The following LPP variants were observed in gnomAD, a reference collection of about 807,000 sequenced individuals.
The protein encoded by LPP is lipoma-preferred partner.
A neutral mutation model predicts 60.4 loss-of-function variants in LPP; 38 were observed. The ratio of observed to expected loss-of-function variants is 0.63; its 90% CI spans 0.49 to 0.83. LPP has a LOEUF of 0.83. LPP is among the 40% of genes least tolerant of loss of function. The pLI is 0.00. For synonymous variants in LPP, 328 were observed against 290.8 expected, an observed-to-expected ratio of 1.13 and a Z score of -1.30; for missense variants, 902 against 783.6, an observed-to-expected ratio of 1.15 and a Z score of -1.80.
chr3:188,532,850 T>G (rs6797041), intron 6 of LPP, among the ~76,000 whole-genome samples: 72,782 of 152,096 alleles, frequency 0.48, 18,271 homozygotes, highest in East Asian at 0.92. Context: ...CTGGAGTTTG[T>G]TTTAAAACTT....
intron 4 of LPP, among the ~76,000 whole-genome samples, chr3:188,447,586 G>T (rs893058990): frequency 1.5e-5 from 2 of 137,822 alleles, no homozygotes; most frequent in Non-Finnish European, 3.0e-5. Context: ...GTCCAGCCTG[G>T]GCGACAGAGT....
intron 4 of LPP, among the ~76,000 whole-genome samples, chr3:188,441,016 C>A (rs1793667864): frequency 8.1e-6 from 1 of 124,028 alleles, no homozygotes; most frequent in South Asian, 3.5e-4. Context: ...TGTACTCTCT[C>A]TCCCTTAATA....
intron 2 of LPP, among the ~76,000 whole-genome samples, chr3:188,250,600 T>C (rs868336393): frequency 6.6e-6 from 1 of 152,206 alleles, no homozygotes; most frequent in Non-Finnish European, 1.5e-5. Context: ...TAGGATTCCA[T>C]GTTACTACTC....
At chr3:188,796,317 A>G (rs1745335922) in intron 9 of LPP, among the ~76,000 whole-genome samples, 1 of 152,188 alleles carries the variant, frequency 6.6e-6, no homozygotes, top group Non-Finnish European at 1.5e-5. Context: ...AGACTGAGGG[A>G]GAAGCATGAT....
Position 188,428,364 on chromosome 3 carries a change from T to G in LPP, c.193+22051T>G, listed in dbSNP as rs1790011968. On this transcript the variant is annotated intron_variant, in intron 4 of 11. Transcript: ENST00000617246. ...GACTGGAGCTGTTCCTATTTGGCCATCTTCATCCTAAGTCCCATATTTTTC... is the reference window on the plus strand; with the variant it reads ...GACTGGAGCTGTTCCTATTTGGCCAGCTTCATCCTAAGTCCCATATTTTTC... Among the ~76,000 whole-genome samples, 4 of 152,150 alleles carry G rather than the reference T, an allele frequency of 2.6e-5. No individual in the cohort carries two copies. The South Asian group carries it at 8.3e-4, about 31-fold the overall frequency.
At chr3:188,196,395 C>T (rs1244627753) in intron 1 of LPP, among the ~76,000 whole-genome samples, 2 of 152,106 alleles carry the variant, frequency 1.3e-5, no homozygotes, top group South Asian at 2.1e-4. Flanking sequence ...GGACTCATTC[C>T]GGATGGCTCC....
At position 188,870,172 on chromosome 3, in the gene LPP, G is replaced by GTA. The variant is rs138629189; in HGVS notation, c.1590-2458_1590-2457dup. Among the ~76,000 whole-genome samples, 73 of 151,196 alleles carry GTA rather than the reference G, an allele frequency of 4.8e-4. No individual in the cohort carries two copies. In the South Asian group the frequency reaches 8.2e-3, roughly 17 times the overall value. The stretch of plus-strand genomic sequence containing the variant: ...TGTGTATATACATATGTGTGTTTGT[G>GTA]TATATATATATATAACTTTACAATA... On this transcript the variant is annotated intron_variant, in intron 10 of 11. Coordinates refer to ENST00000617246, the MANE Select transcript of LPP (RefSeq NM_001375462.1).
intron 9 of LPP, among the ~76,000 whole-genome samples, chr3:188,774,195 G>A (rs1252136191): frequency 3.3e-5 from 5 of 151,110 alleles, no homozygotes; most frequent in African/African-American, 4.9e-5. Context: ...TTTTAATGTC[G>A]GCAAGTCTCA....
rs1260991616 is a variant in LPP at position 188,504,163 on chromosome 3, AATTTACTTTG to A, written c.306+19461_306+19470del. 9.9e-5 allele frequency among the ~76,000 whole-genome samples: 15 copies of A among 152,126 alleles called. No individual in the cohort carries two copies. In the East Asian group the frequency reaches 1.5e-3, roughly 16 times the overall value. ...TTTCTTTCTGATTCTTAGACTAATT[AATTTACTTTG>A]ACCTCTCTTCAAGTTTTCTGATTCT... On this transcript the variant is annotated intron_variant, in intron 5 of 11. Coordinates refer to ENST00000617246, the MANE Select transcript of LPP (RefSeq NM_001375462.1).
rs578037619 is a variant in LPP, at chr3:188,394,516, G to A, written c.-9-11596G>A. On this transcript the variant is annotated intron_variant, in intron 3 of 11. Transcript: ENST00000617246. ...ATGTTAAACTTCTGTATTGGTGAAT[G>A]TTGGGTCCTTTGCTACTTCTTTAAA... 4.6e-5 allele frequency among the ~76,000 whole-genome samples: 7 copies of A among 150,840 alleles called. No homozygotes were observed. The South Asian group carries it at 1.5e-3, about 32-fold the overall frequency.
At chr3:188,689,962 G>C (rs1047737323) in intron 7 of LPP, among the ~76,000 whole-genome samples, 2 of 151,520 alleles carry the variant, frequency 1.3e-5, no homozygotes, top group African/African-American at 4.9e-5. Context: ...AATCCAGAAT[G>C]GGATTTTTAA....
intron 3 of LPP, among the ~76,000 whole-genome samples, chr3:188,371,641 A>ATATATATATATT (rs1553878071): frequency 7.5e-4 from 24 of 32,176 alleles, no homozygotes; most frequent in Non-Finnish European, 7.8e-4. Flanking sequence ...ATATATATAT[A>ATATATATATATT]TTTTTTTTTT....
chr3:188,567,140 A>G (rs1449969143), intron 6 of LPP, among the ~76,000 whole-genome samples: 1 of 151,892 alleles, frequency 6.6e-6, no homozygotes, highest in Non-Finnish European at 1.5e-5. Context: ...GATTTAGAGA[A>G]ACAAACCTAA....
chr3:188,211,926 A>T (rs1711502171), intron 1 of LPP, among the ~76,000 whole-genome samples: 1 of 151,626 alleles, frequency 6.6e-6, no homozygotes, highest in Non-Finnish European at 1.5e-5. Flanking sequence ...TGGCACAGTC[A>T]TGGCTCACTG....
intron 7 of LPP, among the ~76,000 whole-genome samples, chr3:188,691,415 G>A (rs527408350): frequency 6.6e-6 from 1 of 152,316 alleles, no homozygotes; most frequent in South Asian, 2.1e-4. Flanking sequence ...TAATCAAGAT[G>A]CAGGGTGGAT....
intron 7 of LPP, among the ~76,000 whole-genome samples, chr3:188,616,880 T>A (rs1396757252): frequency 6.6e-6 from 1 of 152,206 alleles, no homozygotes; most frequent in East Asian, 1.9e-4. Context: ...TTGTTTATAA[T>A]CATTTGTTAT....
At chr3:188,651,745 C>T (rs1560706672) in intron 7 of LPP, among the ~76,000 whole-genome samples, 2 of 152,206 alleles carry the variant, frequency 1.3e-5, no homozygotes, top group South Asian at 2.1e-4. Flanking sequence ...GAGAACAGCA[C>T]GGGAAAGGCC....
intron 7 of LPP, among the ~76,000 whole-genome samples, chr3:188,678,522 G>A (rs976166258): frequency 4.6e-5 from 7 of 152,154 alleles, no homozygotes; most frequent in Non-Finnish European, 1.0e-4. Flanking sequence ...AAGGTTTTTA[G>A]GAATTGCCTA....
intron 1 of LPP, among the ~76,000 whole-genome samples, chr3:188,186,121 A>G (rs928105419): frequency 6.6e-6 from 1 of 152,056 alleles, no homozygotes; most frequent in African/African-American, 2.4e-5. Flanking sequence ...GCCTTCTTTA[A>G]TTACCTCCTT....
Sources: gnomAD v4.1 joint callset for allele counts (sites outside exome capture counted in the v4.1 genomes callset) on GRCh38, gnomAD v4.1.1 for gene constraint, MANE v1.5 for transcripts, NCBI Gene and HGNC (gene_info 2026-07-23, HGNC 2026-07-21) for gene names.